The following RFX8 variants were observed in gnomAD, a reference collection of about 807,000 sequenced individuals.
RFX8 encodes the protein regulatory factor X8.
RFX8 carries 46 observed loss-of-function variants against 54.6 expected under a neutral mutation model. The ratio of observed to expected loss-of-function variants is 0.84; its 90% CI spans 0.67 to 1.08. The LOEUF (loss-of-function observed/expected upper bound fraction) is 1.08, where lower values mean the gene tolerates loss of function less well. Ranked by LOEUF, RFX8 falls within the 50% of genes least tolerant of loss-of-function variation. RFX8 has a pLI of 0.00. For missense variants in RFX8, 536 were observed against 562.3 expected (o/e 0.95, Z 0.47); for synonymous variants, 192 against 209.5 (o/e 0.92, Z 0.72).
intron 1 of RFX8, among the ~76,000 whole-genome samples, chr2:101,467,722 C>T (rs957206165): frequency 1.1e-4 from 16 of 152,082 alleles, no homozygotes; most frequent in Admixed American, 9.8e-4. Flanking sequence ...CACAGACCAG[C>T]CCCGGCCCCT....
intron 5 of RFX8, among the ~76,000 whole-genome samples, chr2:101,418,186 G>A (rs1280104389): frequency 2.0e-5 from 3 of 152,026 alleles, no homozygotes; most frequent in Non-Finnish European, 4.4e-5. Context: ...CACTGCTCCC[G>A]GCCTCAAATA....
chr2:101,422,892 CGTTG>C (rs1686943943), intron 2 of RFX8, among the ~76,000 whole-genome samples: 1 of 152,126 alleles, frequency 6.6e-6, no homozygotes, highest in African/African-American at 2.4e-5. Context: ...TCATAACAAC[CGTTG>C]GTTGTATCAG....
At chr2:101,433,748 TA>T (rs1202842263) in intron 2 of RFX8, among the ~76,000 whole-genome samples, 1 of 152,174 alleles carries the variant, frequency 6.6e-6, no homozygotes, top group African/African-American at 2.4e-5. Context: ...AAAAATGTAA[TA>T]AAACCTAATT....
At chr2:101,404,711 G>A (rs916293912) in intron 10 of RFX8, among the ~76,000 whole-genome samples, 3 of 152,134 alleles carry the variant, frequency 2.0e-5, no homozygotes, top group Admixed American at 6.5e-5. Flanking sequence ...ACAGGTGTGA[G>A]CCACCACACC....
intron 8 of RFX8, among the ~76,000 whole-genome samples, chr2:101,411,179 G>A (rs1207071081): frequency 6.6e-6 from 1 of 152,210 alleles, no homozygotes; most frequent in Non-Finnish European, 1.5e-5. Context: ...AGCCTGGTGT[G>A]ACATCAGATT....
intron 2 of RFX8, chr2:101,450,466 G>C (rs191788583): frequency 3.6e-6 from 2 of 555,768 alleles, no homozygotes; most frequent in African/African-American, 1.9e-5. Context: ...CAACTCAAGC[G>C]GTTCTTGTGC....
Position 101,402,108 on chromosome 2 carries a change from T to C in RFX8, c.1245+328A>G, listed in dbSNP as rs1375435292. On this transcript the variant is annotated intron_variant, in intron 11 of 11. Coordinates refer to ENST00000428343, the MANE Select transcript of RFX8 (RefSeq NM_001145664.2). The stretch of plus-strand genomic sequence containing the variant: ...CTTTGAACACTAGGGGAATTTTCAG[T>C]GCATGCCACTCAGACGTTAGTGGTG... 2.0e-5 allele frequency among the ~76,000 whole-genome samples: 3 copies of C among 152,266 alleles called. No individual in the cohort carries two copies. In the East Asian group the frequency reaches 5.8e-4, roughly 29 times the overall value.
chr2:101,442,815 G>A (rs1336186568), intron 2 of RFX8, among the ~76,000 whole-genome samples: 3 of 152,062 alleles, frequency 2.0e-5, no homozygotes, highest in Non-Finnish European at 2.9e-5. Context: ...TAGACCTTGG[G>A]ACTTCTCTCC....
At chr2:101,438,965 C>T (rs6748209) in intron 2 of RFX8, among the ~76,000 whole-genome samples, 115,074 of 151,990 alleles carry the variant, frequency 0.76, 44,508 homozygotes, top group Middle Eastern at 0.88. Flanking sequence ...GCGCCCGCCA[C>T]CATGCCAGGC....
chr2:101,460,369 C>T (rs1310195223), intron 2 of RFX8, among the ~76,000 whole-genome samples: 1 of 152,136 alleles, frequency 6.6e-6, no homozygotes, highest in Non-Finnish European at 1.5e-5. Context: ...CCTATTCGGC[C>T]ATCTTGGAAG....
At chr2:101,450,642 A>G (rs1299122409) in intron 2 of RFX8, 2 of 1,514,830 alleles carry the variant, frequency 1.3e-6, no homozygotes, top group South Asian at 1.2e-5. Context: ...GGCATAGAAG[A>G]AAGAGCTTTT....
chr2:101,448,941 T>C (rs1224428049), intron 2 of RFX8, among the ~76,000 whole-genome samples: 1 of 152,170 alleles, frequency 6.6e-6, no homozygotes. Flanking sequence ...GTGGTCAGCA[T>C]GAAGAAGTGG....
intron 9 of RFX8, 26 bp downstream of exon 9, chr2:101,410,588 CTTTTT>C: frequency 1.0e-6 from 1 of 996,154 alleles, no homozygotes; most frequent in South Asian, 1.6e-5. Flanking sequence ...GGTCAACACA[CTTTTT>C]TTTTTTTTAA....
rs149641418 is a variant in RFX8 at position 101,410,515 on chromosome 2, C to T, written c.813+104G>A. On this transcript the variant is annotated intron_variant, in intron 9 of 11. Coordinates refer to ENST00000428343, the MANE Select transcript of RFX8 (RefSeq NM_001145664.2). ...ACCCAGGCCAGCTTTGACACATTTCCGACCAGAGCCTAAGAAGCCTCTTTC... is the reference window on the plus strand; with the variant it reads ...ACCCAGGCCAGCTTTGACACATTTCTGACCAGAGCCTAAGAAGCCTCTTTC... 238 of 658,946 alleles carry T rather than the reference C, an allele frequency of 3.6e-4. 1 individual carries two copies. In the East Asian group the frequency reaches 5.0e-3, roughly 14 times the overall value. The allele number at this position is 658,946 out of a possible 1,614,324, so 40.8% of individuals were successfully genotyped here.
intron 2 of RFX8, among the ~76,000 whole-genome samples, chr2:101,465,696 G>A (rs532978339): frequency 1.3e-5 from 2 of 152,178 alleles, no homozygotes; most frequent in African/African-American, 4.8e-5. Context: ...ACTGTTTTGG[G>A]AGGCTTACCT....
rs1179668248 is a variant in RFX8 at position 101,421,754 on chromosome 2, G to C, written c.207C>G (p.Tyr69Ter). ...GTAAAATGTCTCGACAATAGTTGCA[G>C]TATTCGTCAGCAAGGAAGGCCATCT... ...CNMMAFLADEYCNYCRDILRN... is the reference protein window; with the variant it reads ...CNMMAFLADE Residue 69 changes from tyrosine (Y) to a stop codon, truncating the protein, a stop_gained, in exon 4 of 12, where the codon TAC becomes TAG. Transcript: ENST00000428343. LOFTEE classifies it high-confidence loss of function. The C allele has an allele frequency of 1.0e-5, 16 of 1,549,970 alleles. No individual in the cohort carries two copies. Among genetic ancestry groups the C allele is most frequent in the Non-Finnish European group, 1.4e-5 (16 of 1,146,220 alleles).
intron 2 of RFX8, among the ~76,000 whole-genome samples, chr2:101,445,714 G>A (rs1318051391): frequency 6.6e-6 from 1 of 152,104 alleles, no homozygotes; most frequent in African/African-American, 2.4e-5. Context: ...ACAGGCAGGA[G>A]CCACTATGCC....
In RFX8 at chr2:101,422,462, T is replaced by C. The variant is rs907373777; in HGVS notation, c.83A>G (p.His28Arg). 6.5e-7 allele frequency: 1 copy of C among 1,538,460 alleles called. No individual in the cohort carries two copies. Among genetic ancestry groups the C allele is most frequent in the Middle Eastern group, 1.7e-4 (1 of 5,972 alleles). ...NPATFGKCED[H>R]SPMKTDPVGS... is the part of the protein sequence containing the mutation. ...AACTGGGTCTGTCTTCATCGGTGAA[T>C]GATCTTCACACTAAAAATCATTTGT... The change falls in exon 3 of 12, where the codon CAT (histidine) becomes CGT (arginine). Residue 28 changes from histidine to arginine, a missense_variant. His to Arg is a conservative substitution (Grantham distance 29). Coordinates refer to ENST00000428343, the MANE Select transcript of RFX8 (RefSeq NM_001145664.2).
intron 2 of RFX8, among the ~76,000 whole-genome samples, chr2:101,464,008 G>T (rs1272736662): frequency 6.6e-6 from 1 of 152,258 alleles, no homozygotes; most frequent in Non-Finnish European, 1.5e-5. Flanking sequence ...TTCCAGCAAG[G>T]TCATGCTGAT....
Sources: gnomAD v4.1 joint callset for allele counts (sites outside exome capture counted in the v4.1 genomes callset) on GRCh38, gnomAD v4.1.1 for gene constraint, MANE v1.5 for transcripts, NCBI Gene and HGNC (gene_info 2026-07-23, HGNC 2026-07-21) for gene names.